CARS2: variants seen among roughly 807,000 people sequenced by gnomAD.
CARS2 encodes the protein probable cysteine--tRNA ligase, mitochondrial.
In CARS2, 52 loss-of-function variants were observed where a neutral mutation model predicts 68.8. The ratio of observed to expected loss-of-function variants is 0.76; its 90% confidence interval spans 0.61 to 0.95. The LOEUF (loss-of-function observed/expected upper bound fraction) is 0.95. Among genes scored for constraint, CARS2 ranks in the 40% least tolerant of loss-of-function variants. CARS2 has a pLI of 0.00. For missense variants in CARS2, 780 were observed against 754.2 expected (o/e 1.03, Z -0.40); for synonymous variants, 314 against 303.6 (o/e 1.03, Z -0.36).
chr13:110,675,047 C>G (rs55658657), intron 7 of CARS2, among the ~76,000 whole-genome samples: 151,244 of 151,860 alleles, frequency 1, 75,316 homozygotes, highest in Middle Eastern at 1. Flanking sequence ...ATCATTAAAA[C>G]TCAGGAAACA....
At chr13:110,690,824 G>A (rs1359016995) in intron 3 of CARS2, among the ~76,000 whole-genome samples, 2 of 152,220 alleles carry the variant, frequency 1.3e-5, no homozygotes, top group Non-Finnish European at 2.9e-5. Context: ...CACCTGCAGG[G>A]TCAGCCAACT....
intron 2 of CARS2, among the ~76,000 whole-genome samples, chr13:110,704,923 G>A (rs1256910650): frequency 6.6e-6 from 1 of 152,104 alleles, no homozygotes; most frequent in Non-Finnish European, 1.5e-5. Context: ...CAGTTAAAGA[G>A]GTCAAGAGAG....
chr13:110,666,137 G>A, intron 8 of CARS2: 1 of 985,332 alleles, frequency 1.0e-6, no homozygotes, highest in Non-Finnish European at 1.2e-6. Context: ...GTGGAGTGCA[G>A]GCCCCCGGCT....
intron 9 of CARS2, among the ~76,000 whole-genome samples, chr13:110,660,443 C>T (rs2062473413): frequency 6.6e-6 from 1 of 152,192 alleles, no homozygotes; most frequent in Non-Finnish European, 1.5e-5. Flanking sequence ...AGAGGAATCA[C>T]TATCTATGGC....
Position 110,691,357 on chromosome 13 carries a change from A to G in CARS2, c.394-3339T>C, listed in dbSNP as rs554901512. On this transcript the variant is annotated intron_variant, in intron 3 of 14. Coordinates refer to ENST00000257347, the MANE Select transcript of CARS2 (RefSeq NM_024537.4). ...TAAAGAAATTAACCTTTTATCGCTG[A>G]TATAATTTCCATTTTTCCACAGTTT... 2.6e-5 allele frequency among the ~76,000 whole-genome samples: 4 copies of G among 152,236 alleles called. No homozygotes were observed. The East Asian group carries it at 7.7e-4, about 29-fold the overall frequency.
Position 110,653,539 on chromosome 13 carries a change from C to T in CARS2, c.988-2439G>A, listed in dbSNP as rs1477014396. 6.6e-6 allele frequency among the ~76,000 whole-genome samples: 1 copy of T among 152,186 alleles called. No individual in the cohort carries two copies. Among genetic ancestry groups the T allele is most frequent in the African/African-American group, 2.4e-5 (1 of 41,442 alleles). ...CACGCTCCCCACTTCATTCCAAAAA[C>T]GATTTCACCTGGCTTTCTCTCAAAG... On this transcript the variant is annotated intron_variant, in intron 9 of 14. Coordinates refer to ENST00000257347, the MANE Select transcript of CARS2 (RefSeq NM_024537.4). This position sits in a 1 kb window ranked among gnomAD's most constrained non-coding sequence, Gnocchi z 5.6.
At chr13:110,711,705 A>G (rs2064029997) in intron 1 of CARS2, among the ~76,000 whole-genome samples, 1 of 152,260 alleles carries the variant, frequency 6.6e-6, no homozygotes, top group East Asian at 1.9e-4. Context: ...AAAAGTGAAG[A>G]TTAAATCCAC....
chr13:110,651,206 A>G, intron 9 of CARS2, 106 bp from the exon 10 acceptor site: 1 of 697,556 alleles, frequency 1.4e-6, no homozygotes, highest in Non-Finnish European at 2.3e-6. Context: ...CTACCTATCA[A>G]GAAATCAGGA....
At chr13:110,664,488 G>A (rs1245518596) in intron 8 of CARS2, 8 of 607,362 alleles carry the variant, frequency 1.3e-5, no homozygotes, top group Non-Finnish European at 1.6e-5. Context: ...CTGCACTCCA[G>A]CCTGGGCCAC....
At chr13:110,666,473 G>A (rs1448900072) in intron 8 of CARS2, 10 of 985,218 alleles carry the variant, frequency 1.0e-5, no homozygotes, top group East Asian at 1.1e-4. Context: ...GGGCAGAGCC[G>A]CCTGCTGGGT....
At position 110,653,760 on chromosome 13, in the gene CARS2, A is replaced by C. The variant is rs445490; in HGVS notation, c.988-2660T>G. On this transcript the variant is annotated intron_variant, in intron 9 of 14. Transcript: ENST00000257347. This position sits in a 1 kb window ranked among gnomAD's most constrained non-coding sequence, Gnocchi z 5.6. Reference sequence around the variant, plus strand: ...CTAATCTTTCTAGAGCATTGAGTTTATACGGACTAAAGGAGAAACATATTA... The same window carrying C: ...CTAATCTTTCTAGAGCATTGAGTTTCTACGGACTAAAGGAGAAACATATTA... 0.31 allele frequency among the ~76,000 whole-genome samples: 46,761 copies of C among 152,174 alleles called. 8,389 individuals carry two copies. Among genetic ancestry groups the C allele is most frequent in the African/African-American group, 0.47 (19,674 of 41,472 alleles).
intron 3 of CARS2, among the ~76,000 whole-genome samples, chr13:110,694,002 A>G (rs1311627497): frequency 2.6e-5 from 4 of 151,964 alleles, no homozygotes; most frequent in African/African-American, 9.7e-5. Flanking sequence ...TTGGAGACAT[A>G]TATAATAATT....
At chr13:110,646,261 C>A in intron 11 of CARS2, 171 bp from the exon 12 acceptor site, 1 of 648,292 alleles carries the variant, frequency 1.5e-6, no homozygotes, top group Non-Finnish European at 2.5e-6. Context: ...TATGTAACAT[C>A]AACTGCAAAC....
chr13:110,653,197 GTATGTGTGTGTGTGTGTT>G lies in CARS2; in HGVS notation c.988-2115_988-2098del, dbSNP rs1178361618. On this transcript the variant is annotated intron_variant, in intron 9 of 14. Coordinates refer to ENST00000257347, the MANE Select transcript of CARS2 (RefSeq NM_024537.4). This position sits in a 1 kb window ranked among gnomAD's most constrained non-coding sequence, Gnocchi z 5.6. ...GCCTGGGGTGGGGAGGGGGGCTGGGGTATGTGTGTGTGTGTGTTTGTGTGTGTGTGTGTGAAGAGCCCC... is the reference window on the plus strand; with the variant it reads ...GCCTGGGGTGGGGAGGGGGGCTGGGGTGTGTGTGTGTGTGTGAAGAGCCCC... Among the ~76,000 whole-genome samples the G allele has an allele frequency of 8.5e-6, 1 of 118,150 alleles. No homozygotes were observed. The highest frequency in any genetic ancestry group is 2.6e-4 in the East Asian group (1 of 3,858). The allele number at this position is 118,150 out of a possible 152,430, so 77.5% of individuals were successfully genotyped here.
At chr13:110,697,413 C>G (rs966977054) in intron 3 of CARS2, among the ~76,000 whole-genome samples, 2 of 152,198 alleles carry the variant, frequency 1.3e-5, no homozygotes, top group Non-Finnish European at 2.9e-5. Context: ...AACTGTTCCC[C>G]CTTTGACCTA....
chr13:110,692,035 C>G (rs1050824386), intron 3 of CARS2, among the ~76,000 whole-genome samples: 7 of 56,014 alleles, frequency 1.2e-4, no homozygotes, highest in African/African-American at 3.7e-4. Flanking sequence ...CACACACACA[C>G]ATATATATAT....
At chr13:110,710,179 G>A (rs373169182), upstream of CARS2, among the ~76,000 whole-genome samples, 36 of 152,232 alleles carry the variant, frequency 2.4e-4, no homozygotes, top group African/African-American at 8.7e-4. Flanking sequence ...TCAGGAGTTC[G>A]AGACCAGCCT....
upstream of CARS2, among the ~76,000 whole-genome samples, chr13:110,709,357 G>A (rs1032402110): frequency 6.6e-5 from 10 of 151,918 alleles, no homozygotes; most frequent in African/African-American, 2.4e-4. Flanking sequence ...GTCTCTGAAA[G>A]TGCTGGGATT....
At chr13:110,707,266 T>G (rs1566370414), upstream of CARS2, 1 of 152,178 alleles carries the variant, frequency 6.6e-6, no homozygotes, top group Non-Finnish European at 1.5e-5. Context: ...ATGTCTGCAC[T>G]CCAATACACA....
Sources: allele counts gnomAD v4.1 joint callset (sites outside exome capture counted in the v4.1 genomes callset), GRCh38; gene constraint gnomAD v4.1.1; non-coding constraint Gnocchi (gnomAD v3.1); transcripts MANE v1.5; gene names NCBI Gene and HGNC (gene_info 2026-07-23, HGNC 2026-07-21).